The following LRP1B variants were observed in gnomAD, a reference collection of about 807,000 sequenced individuals.
LRP1B encodes LDL receptor related protein 1B.
A neutral mutation model predicts 556.6 loss-of-function variants in LRP1B; 217 were observed. That is an observed-to-expected ratio of 0.39 (90% CI 0.35 to 0.44). The LOEUF (loss-of-function observed/expected upper bound fraction) is 0.44, where lower values mean the gene tolerates loss of function less well. Ranked by LOEUF, LRP1B falls within the 20% of genes least tolerant of loss-of-function variation. The probability of loss-of-function intolerance (pLI) is 1.00; values close to 1 mark genes in which losing one functional copy is unlikely to be tolerated. For synonymous variants in LRP1B, 2,047 were observed against 1,865.8 expected (o/e 1.10, Z -2.50); for missense variants, 5,053 against 5,620.8 (o/e 0.90, Z 3.23).
chr2:140,806,917 A>T (rs1410696577), intron 32 of LRP1B, among the ~76,000 whole-genome samples: 2 of 152,204 alleles, frequency 1.3e-5, no homozygotes, highest in Admixed American at 1.3e-4. Context: ...CCATGAATTG[A>T]TTTGTTCAAC....
chr2:140,425,543 T>C (rs1685617147), intron 66 of LRP1B, among the ~76,000 whole-genome samples: 1 of 152,194 alleles, frequency 6.6e-6, no homozygotes, highest in Non-Finnish European at 1.5e-5. Context: ...CCTGAGTAGC[T>C]GGGAATAAAG....
intron 3 of LRP1B, among the ~76,000 whole-genome samples, chr2:141,462,247 C>T (rs952076787): frequency 6.6e-6 from 1 of 152,102 alleles, no homozygotes; most frequent in Non-Finnish European, 1.5e-5. Context: ...TATTGCTAGG[C>T]CTCCACAGAG....
intron 11 of LRP1B, among the ~76,000 whole-genome samples, chr2:141,037,280 T>G (rs1467740597): frequency 6.6e-6 from 1 of 152,092 alleles, no homozygotes; most frequent in Non-Finnish European, 1.5e-5. Flanking sequence ...AAATCCAGCC[T>G]ATTTGATTGG....
At chr2:141,280,278 T>A (rs1685463088) in intron 3 of LRP1B, among the ~76,000 whole-genome samples, 1 of 152,054 alleles carries the variant, frequency 6.6e-6, no homozygotes, top group African/African-American at 2.4e-5. Context: ...AGCTTCCATA[T>A]GACGAGTTAT....
intron 3 of LRP1B, among the ~76,000 whole-genome samples, chr2:141,353,702 T>C (rs551138639): frequency 6.6e-6 from 1 of 151,982 alleles, no homozygotes; most frequent in Non-Finnish European, 1.5e-5. Flanking sequence ...GTTTAAGTCC[T>C]AGATATAACA....
chr2:141,747,034 G>A (rs1371462014), intron 2 of LRP1B, among the ~76,000 whole-genome samples: 1 of 152,156 alleles, frequency 6.6e-6, no homozygotes, highest in African/African-American at 2.4e-5. Flanking sequence ...TCTATCCCAA[G>A]GAAGGGAAAC....
intron 2 of LRP1B, among the ~76,000 whole-genome samples, chr2:141,550,743 A>G (rs1317809184): frequency 6.6e-6 from 1 of 152,108 alleles, no homozygotes; most frequent in African/African-American, 2.4e-5. Context: ...AATTTAAATA[A>G]TTGCTTATAC....
At chr2:141,506,185 T>C (rs1286245979) in intron 2 of LRP1B, among the ~76,000 whole-genome samples, 3 of 152,256 alleles carry the variant, frequency 2.0e-5, no homozygotes, top group Middle Eastern at 3.4e-3. Flanking sequence ...TGTGATTTAA[T>C]ACAACATATT....
intron 43 of LRP1B, among the ~76,000 whole-genome samples, chr2:140,590,433 T>C (rs769569654): frequency 1.3e-5 from 2 of 151,706 alleles, no homozygotes; most frequent in Non-Finnish European, 2.9e-5. Flanking sequence ...AAAATTTACA[T>C]GTTGAAGCCC....
chr2:140,649,756 C>T (rs571465253), intron 41 of LRP1B, among the ~76,000 whole-genome samples: 2 of 152,194 alleles, frequency 1.3e-5, no homozygotes, highest in Admixed American at 6.5e-5. Flanking sequence ...AATTAGGACT[C>T]ACCAATAAAG....
chr2:140,979,531 C>T (rs1479303548), intron 18 of LRP1B, among the ~76,000 whole-genome samples: 1 of 152,072 alleles, frequency 6.6e-6, no homozygotes, highest in Non-Finnish European at 1.5e-5. Flanking sequence ...CCTAATTCCA[C>T]ATTCAGAGAA....
At chr2:140,434,305 G>A (rs1003598045) in intron 66 of LRP1B, among the ~76,000 whole-genome samples, 2 of 151,992 alleles carry the variant, frequency 1.3e-5, no homozygotes, top group South Asian at 4.1e-4. Flanking sequence ...CCTGACCTCA[G>A]GTGATCCATC....
At chr2:141,624,177 T>C (rs906194010) in intron 2 of LRP1B, among the ~76,000 whole-genome samples, 16 of 152,182 alleles carry the variant, frequency 1.1e-4, no homozygotes, top group African/African-American at 3.6e-4. Flanking sequence ...TTGAGAACTT[T>C]TAAAGGCAGC....
chr2:141,698,063 T>A (rs146380039), intron 2 of LRP1B, among the ~76,000 whole-genome samples: 1 of 151,968 alleles, frequency 6.6e-6, no homozygotes. Context: ...GGACAGTTGC[T>A]GCTTTTTCAG....
chr2:140,592,605 G>T (rs1356791597), intron 43 of LRP1B, among the ~76,000 whole-genome samples: 1 of 151,924 alleles, frequency 6.6e-6, no homozygotes, highest in African/African-American at 2.4e-5. Flanking sequence ...GCCCTTGAAC[G>T]TCATTAAAAC....
intron 43 of LRP1B, among the ~76,000 whole-genome samples, chr2:140,548,599 A>G (rs1680432008): frequency 6.6e-6 from 1 of 152,108 alleles, no homozygotes; most frequent in Non-Finnish European, 1.5e-5. Flanking sequence ...TAATTAAAAG[A>G]ATACCACATC....
intron 2 of LRP1B, among the ~76,000 whole-genome samples, chr2:141,488,133 T>C (rs1456868012): frequency 1.3e-5 from 2 of 152,120 alleles, no homozygotes; most frequent in Non-Finnish European, 2.9e-5. Context: ...ATGTATCATA[T>C]ATGCATGGTT....
At chr2:141,987,797 G>C (rs776027701) in intron 1 of LRP1B, among the ~76,000 whole-genome samples, 1 of 151,624 alleles carries the variant, frequency 6.6e-6, no homozygotes, top group African/African-American at 2.4e-5. Context: ...TTATTTCACT[G>C]TTAATGTATG....
intron 1 of LRP1B, among the ~76,000 whole-genome samples, chr2:141,869,422 G>T (rs1192303119): frequency 2.0e-5 from 3 of 151,884 alleles, no homozygotes; most frequent in Admixed American, 2.0e-4. Context: ...AAAGTTCAAA[G>T]AAAAACTACA....
Sources: allele counts gnomAD v4.1 joint callset (sites outside exome capture counted in the v4.1 genomes callset), GRCh38; gene constraint gnomAD v4.1.1; transcripts MANE v1.5; gene names NCBI Gene and HGNC (gene_info 2026-07-23, HGNC 2026-07-21).